Variants in NOL4L observed in about 807,000 individuals in gnomAD.
NOL4L encodes nucleolar protein 4-like.
In NOL4L, 7 loss-of-function variants were observed where a neutral mutation model predicts 64.5. The observed-to-expected ratio is 0.11, with a 90% CI of 0.06 to 0.20. NOL4L has a LOEUF of 0.20. Ranked by LOEUF, NOL4L falls within the 10% of genes least tolerant of loss-of-function variation. The probability of loss-of-function intolerance (pLI) is 1.00; values close to 1 mark genes in which losing one functional copy is unlikely to be tolerated. For missense variants in NOL4L, 680 were observed against 967.1 expected, an observed-to-expected ratio of 0.70 and a Z score of 3.94; for synonymous variants, 413 against 401.0, an observed-to-expected ratio of 1.03 and a Z score of -0.36.
intron 4 of NOL4L, among the ~76,000 whole-genome samples, chr20:32,481,577 C>T (rs1267577116): frequency 6.6e-6 from 1 of 152,146 alleles, no homozygotes; most frequent in Non-Finnish European, 1.5e-5. Flanking sequence ...CCGCAGTGAG[C>T]TCTGTTCCCA....
intron 4 of NOL4L, chr20:32,510,200 G>C (rs1278618535): frequency 2.8e-6 from 1 of 357,100 alleles, no homozygotes; most frequent in Non-Finnish European, 5.5e-6. Context: ...CAGATGAGAA[G>C]ACGTGGGAGA....
At position 32,447,136 on chromosome 20, in the gene NOL4L, A is replaced by G. The variant is rs2012367205; in HGVS notation, c.*460T>C. 2 of 429,622 alleles carry G rather than the reference A, an allele frequency of 4.7e-6. No homozygotes were observed. Among genetic ancestry groups the G allele is most frequent in the African/African-American group, 4.1e-5 (2 of 49,222 alleles). 26.6% of individuals were successfully genotyped at this position (429,622 alleles called of 1,614,324 possible). On this transcript the variant is annotated 3_prime_UTR_variant, in exon 11 of 11. Coordinates refer to ENST00000621426, the MANE Select transcript of NOL4L (RefSeq NM_001256798.2). ...AGACACAGACTAGCAATCTGTACAA[A>G]CACAAAAGAATCCATTTTCAGAAAA...
chr20:32,461,370 A>T (rs2014030210), intron 5 of NOL4L, among the ~76,000 whole-genome samples: 1 of 150,812 alleles, frequency 6.6e-6, no homozygotes, highest in African/African-American at 2.4e-5. Context: ...CCTTCTCGGT[A>T]AGCCCAGCTC....
rs1568648438 is a variant in NOL4L at position 32,488,813 on chromosome 20, CTTTCTTTCTTTCTTTT to C, written c.700-14087_700-14072del. Among the ~76,000 whole-genome samples the C allele has an allele frequency of 1.1e-3, 27 of 24,458 alleles. 1 individual carries two copies. The highest frequency in any genetic ancestry group is 1.4e-3 in the Non-Finnish European group (22 of 15,230). 16.0% of individuals were successfully genotyped at this position (24,458 alleles called of 152,430 possible). On this transcript the variant is annotated intron_variant, in intron 4 of 10. Transcript: ENST00000621426. Reference sequence around the variant, plus strand: ...TTCCTTTCTTTCTTTCTTTTTCTTTCTTTCTTTCTTTCTTTTTCTTTCTTTCTTTCTTTCTTTCTTT... The same window carrying C: ...TTCCTTTCTTTCTTTCTTTTTCTTTCTCTTTCTTTCTTTCTTTCTTTCTTT...
intron 3 of NOL4L, among the ~76,000 whole-genome samples, chr20:32,512,844 A>G (rs576967815): frequency 2.0e-4 from 30 of 152,290 alleles, no homozygotes; most frequent in African/African-American, 6.3e-4. Context: ...GGTTGTTCCC[A>G]TTGGGGCTAT....
intron 4 of NOL4L, among the ~76,000 whole-genome samples, chr20:32,504,566 A>G (rs1388369674): frequency 1.3e-5 from 2 of 151,440 alleles, no homozygotes; most frequent in Admixed American, 6.6e-5. Context: ...TCAAAAAAAA[A>G]AAAAGAAAGA....
intron 1 of NOL4L, among the ~76,000 whole-genome samples, chr20:32,578,230 C>A (rs889826638): frequency 6.6e-6 from 1 of 151,226 alleles, no homozygotes; most frequent in Non-Finnish European, 1.5e-5. Flanking sequence ...GGATTTGAAC[C>A]CAGGGTCCTG....
chr20:32,539,938 G>A (rs1236573847), intron 1 of NOL4L, among the ~76,000 whole-genome samples: 1 of 152,154 alleles, frequency 6.6e-6, no homozygotes, highest in East Asian at 1.9e-4. Flanking sequence ...CCTGCCCCTC[G>A]GCCGGGGCTG....
chr20:32,524,167 CT>C (rs1326062254), intron 2 of NOL4L, among the ~76,000 whole-genome samples: 1 of 152,140 alleles, frequency 6.6e-6, no homozygotes, highest in East Asian at 1.9e-4. Flanking sequence ...AGGAAGGCCC[CT>C]TGGAAAAAGG....
At chr20:32,512,979 T>TA (rs78368190) in intron 3 of NOL4L, among the ~76,000 whole-genome samples, 3,795 of 152,332 alleles carry the variant, frequency 0.025, 122 homozygotes, top group East Asian at 0.18. Flanking sequence ...TGATAACCAT[T>TA]AAAATCTCTG....
Position 32,453,822 on chromosome 20 carries a change from C to G in NOL4L, c.1120-61G>C. On this transcript the variant is annotated intron_variant, in intron 6 of 10. Coordinates refer to ENST00000621426, the MANE Select transcript of NOL4L (RefSeq NM_001256798.2). The surrounding 1 kb of genome is among the most constrained non-coding windows in gnomAD (Gnocchi z 5.6). The stretch of plus-strand genomic sequence containing the variant: ...GCAGCTGCTCAAGCCCTTGCTGGGT[C>G]TCCTACAGGCGGTGAGCTTGGGGAC... 2.0e-6 allele frequency: 3 copies of G among 1,492,176 alleles called. No homozygotes were observed. The South Asian group carries it at 3.7e-5, about 18-fold the overall frequency. The allele number at this position is 1,492,176 out of a possible 1,614,324, so 92.4% of individuals were successfully genotyped here. A position where few individuals can be genotyped will look rare whatever the true frequency, so the allele number is the denominator to read the frequency against.
intron 1 of NOL4L, among the ~76,000 whole-genome samples, chr20:32,568,316 T>C (rs990035131): frequency 2.0e-5 from 3 of 152,132 alleles, no homozygotes; most frequent in African/African-American, 7.2e-5. Context: ...AATGGATAAA[T>C]GAGTGAATGA....
chr20:32,569,137 T>C (rs1036456250), intron 1 of NOL4L, among the ~76,000 whole-genome samples: 1 of 152,076 alleles, frequency 6.6e-6, no homozygotes, highest in African/African-American at 2.4e-5. Flanking sequence ...TGTAAGGGGC[T>C]TGAGAGTGAT....
intron 5 of NOL4L, among the ~76,000 whole-genome samples, chr20:32,470,055 C>A (rs1183121903): frequency 6.6e-6 from 1 of 152,242 alleles, no homozygotes; most frequent in Non-Finnish European, 1.5e-5. Context: ...CAGGGCTCCA[C>A]ACGACTCTTG....
intron 3 of NOL4L, among the ~76,000 whole-genome samples, chr20:32,512,999 C>T (rs1398448844): frequency 1.3e-5 from 2 of 152,204 alleles, no homozygotes; most frequent in Non-Finnish European, 1.5e-5. Flanking sequence ...GACCAAGCTG[C>T]TGTAGGAATT....
intron 5 of NOL4L, among the ~76,000 whole-genome samples, chr20:32,462,216 A>G (rs1004237576): frequency 6.6e-6 from 1 of 152,212 alleles, no homozygotes; most frequent in African/African-American, 2.4e-5. Context: ...CCACCTAGGA[A>G]GGCCCTAGAG....
chr20:32,546,226 G>A (rs1156232583), intron 1 of NOL4L, among the ~76,000 whole-genome samples: 5 of 152,044 alleles, frequency 3.3e-5, no homozygotes, highest in East Asian at 3.9e-4. Flanking sequence ...GATTACAGGC[G>A]TGAGCCAGTG....
intron 1 of NOL4L, among the ~76,000 whole-genome samples, chr20:32,582,688 A>C (rs1980555895): frequency 3.5e-5 from 1 of 28,368 alleles, no homozygotes; most frequent in Non-Finnish European, 6.7e-5. Context: ...TGTAACCAGG[A>C]TGGGGGGGTG....
At chr20:32,508,227 T>C (rs1171075821) in intron 4 of NOL4L, among the ~76,000 whole-genome samples, 1 of 152,224 alleles carries the variant, frequency 6.6e-6, no homozygotes, top group Non-Finnish European at 1.5e-5. Context: ...GTCCTGCGGC[T>C]GTGTTTGGAT....
Sources: allele counts gnomAD v4.1 joint callset (sites outside exome capture counted in the v4.1 genomes callset), GRCh38; gene constraint gnomAD v4.1.1; non-coding constraint Gnocchi (gnomAD v3.1); transcripts MANE v1.5; gene names NCBI Gene and HGNC (gene_info 2026-07-23, HGNC 2026-07-21).